USO1: variants seen among roughly 807,000 people sequenced by gnomAD.
The protein encoded by USO1 is USO1 vesicle transport factor.
USO1 carries 57 observed loss-of-function variants against 124.5 expected under a neutral mutation model. The observed-to-expected ratio is 0.46, with a 90% CI of 0.37 to 0.57. The LOEUF (loss-of-function observed/expected upper bound fraction) is 0.57, where lower values mean the gene tolerates loss of function less well. Among genes scored for constraint, USO1 ranks in the 20% least tolerant of loss-of-function variants. USO1 has a pLI of 0.00. For synonymous variants in USO1, 369 were observed against 362.8 expected, an observed-to-expected ratio of 1.02 and a Z score of -0.19; for missense variants, 900 against 1,040.6, an observed-to-expected ratio of 0.86 and a Z score of 1.86.
Position 75,808,994 on chromosome 4 carries a change from G to A in USO1, c.2418G>A (p.Val806=). 1 of 1,605,496 alleles carries A rather than the reference G, an allele frequency of 6.2e-7. No individual in the cohort carries two copies. The highest frequency in any genetic ancestry group is 1.1e-5 in the South Asian group (1 of 88,742). ...AGTCTCAGTTAAACTCACAATCTGT[G>A]GAGATCACCAAACTACAGACAGAAA... ...TLKSQLNSQS[V]EITKLQTEKQ... The change falls in exon 21 of 24, where the codon GTG becomes GTA. Residue 806 remains valine (V), a synonymous_variant. Transcript: ENST00000514213.
At chr4:75,777,513 A>G (rs188168526) in intron 8 of USO1, among the ~76,000 whole-genome samples, 161 of 152,356 alleles carry the variant, frequency 1.1e-3, no homozygotes, top group African/African-American at 3.7e-3. Context: ...ACAATAAGCC[A>G]ATTTAAAGAT....
intron 9 of USO1, 128 bp from the exon 10 acceptor site, chr4:75,786,934 A>C (rs1166198423): frequency 8.7e-7 from 1 of 1,142,858 alleles, no homozygotes; most frequent in East Asian, 3.2e-5. Context: ...CGAAAGAAAG[A>C]GCACCTAAAT....
chr4:75,781,505 C>T (rs1021047634), intron 8 of USO1, among the ~76,000 whole-genome samples: 1 of 152,118 alleles, frequency 6.6e-6, no homozygotes, highest in Non-Finnish European at 1.5e-5. Context: ...ATTTTTTTAG[C>T]AATGAAATAT....
intron 4 of USO1, among the ~76,000 whole-genome samples, chr4:75,764,474 A>G (rs983508299): frequency 5.3e-5 from 8 of 152,214 alleles, no homozygotes; most frequent in Admixed American, 4.6e-4. Flanking sequence ...TAGTTCTGCC[A>G]TGTACCTATT....
chr4:75,812,245 C>A lies in USO1; in HGVS notation c.2669C>A (p.Thr890Asn), dbSNP rs1287411799. ...SSNSTIAILQ[T>N]EKDKLELEIT... ...AATAGTACCATTGCCATTTTACAAACTGAGAAAGACAAACTAGAGTTGGAA... is the reference window on the plus strand; with the variant it reads ...AATAGTACCATTGCCATTTTACAAAATGAGAAAGACAAACTAGAGTTGGAA... Residue 890 changes from threonine to asparagine, a missense_variant, in exon 23 of 24, where the codon ACT becomes AAT. This residue lies in a region of USO1 where 362 missense variants were observed against 359.0 expected (regional missense o/e 1.01). Coordinates refer to ENST00000514213, the MANE Select transcript of USO1 (RefSeq NM_003715.4). 3.7e-6 allele frequency: 6 copies of A among 1,609,742 alleles called. 1 individual carries two copies. The Admixed American group carries it at 1.0e-4, about 27-fold the overall frequency.
At chr4:75,754,229 A>G (rs1184087866) in intron 3 of USO1, among the ~76,000 whole-genome samples, 1 of 151,864 alleles carries the variant, frequency 6.6e-6, no homozygotes, top group Non-Finnish European at 1.5e-5. Flanking sequence ...GATTACAGGC[A>G]TGCGCCACCA....
intron 4 of USO1, among the ~76,000 whole-genome samples, chr4:75,763,868 C>T (rs1364621821): frequency 6.6e-6 from 1 of 152,110 alleles, no homozygotes; most frequent in African/African-American, 2.4e-5. Context: ...TTTTTGTTCA[C>T]AACTTTTAGA....
chr4:75,754,771 A>C (rs369798551), intron 3 of USO1, among the ~76,000 whole-genome samples: 1 of 152,172 alleles, frequency 6.6e-6, no homozygotes, highest in African/African-American at 2.4e-5. Flanking sequence ...TTTTGGCCTT[A>C]GTTCTGGCTC....
At chr4:75,778,827 A>G (rs560376732) in intron 8 of USO1, among the ~76,000 whole-genome samples, 3 of 152,282 alleles carry the variant, frequency 2.0e-5, no homozygotes, top group Non-Finnish European at 2.9e-5. Flanking sequence ...CAAGAAATGT[A>G]CCACATTAAT....
chr4:75,803,641 C>T (rs1722915778), intron 17 of USO1, among the ~76,000 whole-genome samples: 1 of 148,494 alleles, frequency 6.7e-6, no homozygotes, highest in African/African-American at 2.5e-5. Context: ...AAGAGCGAAA[C>T]TCCGTCTCAA....
At chr4:75,796,165 A>G (rs1199781048) in intron 13 of USO1, among the ~76,000 whole-genome samples, 1 of 152,048 alleles carries the variant, frequency 6.6e-6, no homozygotes, top group Non-Finnish European at 1.5e-5. Flanking sequence ...TTTTATAAGT[A>G]TACATGTCAG....
chr4:75,770,667 T>C, intron 5 of USO1, 128 bp downstream of exon 5: 2 of 1,450,344 alleles, frequency 1.4e-6, no homozygotes, highest in Non-Finnish European at 9.1e-7. Context: ...TAGCAAGAGA[T>C]CCACATGGAT....
chr4:75,735,545 G>A (rs1375476733), intron 1 of USO1, among the ~76,000 whole-genome samples: 1 of 152,006 alleles, frequency 6.6e-6, no homozygotes, highest in East Asian at 1.9e-4. Flanking sequence ...TTTGGAAACA[G>A]GGTCTCACTC....
intron 10 of USO1, 85 bp from the exon 11 acceptor site, chr4:75,790,065 A>C (rs1294083938): frequency 2.2e-6 from 3 of 1,389,948 alleles, no homozygotes; most frequent in Non-Finnish European, 2.8e-6. Flanking sequence ...AAAACAAAAA[A>C]AAAAGATTTT....
At chr4:75,788,936 A>T (rs1316498264) in intron 10 of USO1, among the ~76,000 whole-genome samples, 1 of 152,186 alleles carries the variant, frequency 6.6e-6, no homozygotes, top group Non-Finnish European at 1.5e-5. Flanking sequence ...TTCAGAATTA[A>T]TTTAATGTTT....
intron 22 of USO1, 132 bp from the exon 23 acceptor site, chr4:75,812,028 C>T: frequency 7.3e-7 from 1 of 1,362,016 alleles, no homozygotes; most frequent in Non-Finnish European, 1.0e-6. Context: ...CTCCTGTACC[C>T]TTAACCTCCA....
At chr4:75,791,604 T>C (rs187865986) in intron 12 of USO1, among the ~76,000 whole-genome samples, 17 of 152,338 alleles carry the variant, frequency 1.1e-4, no homozygotes, top group Admixed American at 7.8e-4. Context: ...TAGTATAGGT[T>C]AGAGTCATTA....
At chr4:75,767,353 T>C (rs771245758) in intron 4 of USO1, among the ~76,000 whole-genome samples, 13 of 152,372 alleles carry the variant, frequency 8.5e-5, no homozygotes, top group Non-Finnish European at 1.6e-4. Context: ...TACAGCTTTA[T>C]TGACATCTAA....
chr4:75,770,502 A>G lies in USO1; in HGVS notation c.359A>G (p.Gln120Arg). ...CAATTTACAGAAATTTTCATTAAGC[A>G]GCAGGAAAATGTCACTCTTCTGTTA... ...GSQFTEIFIK[Q>R]QENVTLLLSL... Residue 120 changes from glutamine to arginine, a missense_variant, in exon 5 of 24, where the codon CAG becomes CGG. Gln to Arg is a conservative substitution (Grantham distance 43). Around this residue, in one of 2 missense-constraint regions of USO1, gnomAD observed 538 missense variants for 681.6 expected, o/e 0.79. Coordinates refer to ENST00000514213, the MANE Select transcript of USO1 (RefSeq NM_003715.4). 3 of 1,596,382 alleles carry G rather than the reference A, an allele frequency of 1.9e-6. No homozygotes were observed. The highest frequency in any genetic ancestry group is 2.6e-6 in the Non-Finnish European group (3 of 1,170,524).
Sources: allele counts gnomAD v4.1 joint callset (sites outside exome capture counted in the v4.1 genomes callset), GRCh38; gene constraint gnomAD v4.1.1; regional missense constraint gnomAD v4.1.1; transcripts MANE v1.5; gene names NCBI Gene and HGNC (gene_info 2026-07-23, HGNC 2026-07-21).